Variants in PACC1 observed in about 807,000 individuals in gnomAD.
The protein encoded by PACC1 is proton activated chloride channel 1.
Under a neutral mutation model 39.7 loss-of-function variants are expected in PACC1, and 34 were observed. That is an observed-to-expected ratio of 0.86 (90% CI 0.65 to 1.14). The LOEUF is 1.14. Among genes scored for constraint, PACC1 ranks in the 50% most tolerant of loss-of-function variants. The pLI is 0.00. For synonymous variants in PACC1, 127 were observed against 160.6 expected (o/e 0.79, Z 1.58); for missense variants, 379 against 436.4 (o/e 0.87, Z 1.17).
Position 212,365,327 on chromosome 1 carries a change from A to G in PACC1, c.941T>C (p.Phe314Ser). The change falls in exon 8 of 8, where the codon TTC becomes TCC. Residue 314 changes from phenylalanine to serine, a missense_variant. By Grantham distance (155) the Phe-to-Ser change is radical. Transcript: ENST00000261455. The part of the protein sequence containing the change: ...WNTIALLCGA[F>S]LALFKAAEFA... ...CTCTGCTGCTTTAAATAATGCCAAGAAGGCGCCACAGAGAAGAGCAATTGT... is the reference window on the plus strand; with the variant it reads ...CTCTGCTGCTTTAAATAATGCCAAGGAGGCGCCACAGAGAAGAGCAATTGT... 1 of 1,613,416 alleles carries G rather than the reference A, an allele frequency of 6.2e-7. No individual in the cohort carries two copies.
intron 7 of PACC1, among the ~76,000 whole-genome samples, chr1:212,365,677 A>G (rs1223795954): frequency 6.6e-6 from 1 of 152,066 alleles, no homozygotes; most frequent in Non-Finnish European, 1.5e-5. Flanking sequence ...CTGGGTTCTG[A>G]AACTGTCATA....
intron 6 of PACC1, 46 bp downstream of exon 6, chr1:212,377,516 T>A (rs757881312): frequency 1.2e-6 from 2 of 1,610,962 alleles, no homozygotes; most frequent in South Asian, 1.1e-5. Flanking sequence ...CAGACTCGAA[T>A]GTGGAAAAGT....
Position 212,414,633 on chromosome 1 carries a change from C to G in PACC1, c.36+89G>C, listed in dbSNP as rs1386234146. ...TCGGAAGAGCCCTCTGCCGCGCAGC[C>G]CCGACACCCCCCGCCCCGCATCCGC... On this transcript the variant is annotated intron_variant, in intron 1 of 7. Transcript: ENST00000261455. The G allele has an allele frequency of 5.3e-6, 8 of 1,519,964 alleles. No homozygotes were observed. In the African/African-American group the frequency reaches 9.6e-5, roughly 18 times the overall value. 94.2% of individuals were successfully genotyped at this position (1,519,964 alleles called of 1,614,324 possible). A position where few individuals can be genotyped will look rare whatever the true frequency, so the allele number is the denominator to read the frequency against.
intron 2 of PACC1, among the ~76,000 whole-genome samples, chr1:212,396,776 G>T (rs905561810): frequency 6.9e-6 from 1 of 145,808 alleles, no homozygotes; most frequent in Non-Finnish European, 1.5e-5. Context: ...GAAAAATCTT[G>T]AAGGCAGTGA....
In PACC1 at chr1:212,377,622, C is replaced by A. The variant is rs1660713458; in HGVS notation, c.723G>T (p.Lys241Asn). The A allele has an allele frequency of 1.2e-6, 2 of 1,614,254 alleles. No individual in the cohort carries two copies. The highest frequency in any genetic ancestry group is 1.7e-6 in the Non-Finnish European group (2 of 1,180,044). The change falls in exon 6 of 8, where the codon AAG becomes AAT. Residue 241 changes from lysine (K) to asparagine (N), a missense_variant. Lys to Asn is a moderately conservative substitution (Grantham distance 94). Coordinates refer to ENST00000261455, the MANE Select transcript of PACC1 (RefSeq NM_018252.3). The part of the protein sequence containing the change: ...KFSGGFRTWV[K>N]MSLVKTKEED... ...CCTCCTTGGTCTTTACCAGTGACAT[C>A]TTGACCCAGGTGCGGAAGCCCCCAG...
At chr1:212,366,984 G>A (rs1380878384) in intron 7 of PACC1, among the ~76,000 whole-genome samples, 1 of 152,196 alleles carries the variant, frequency 6.6e-6, no homozygotes, top group Non-Finnish European at 1.5e-5. Context: ...ATATTATGAT[G>A]ACATGAATGC....
At chr1:212,406,384 G>C (rs765607230) in intron 2 of PACC1, among the ~76,000 whole-genome samples, 1 of 152,118 alleles carries the variant, frequency 6.6e-6, no homozygotes. Flanking sequence ...AGGAATGATT[G>C]CAAGTGCCTA....
chr1:212,413,847 G>A (rs1662224502), intron 1 of PACC1: 2 of 1,492,594 alleles, frequency 1.3e-6, no homozygotes, highest in Non-Finnish European at 1.8e-6. Flanking sequence ...ACACAGTATC[G>A]CACTCAGAGG....
chr1:212,404,177 G>A (rs1168346127), intron 2 of PACC1, among the ~76,000 whole-genome samples: 1 of 151,960 alleles, frequency 6.6e-6, no homozygotes, highest in Non-Finnish European at 1.5e-5. Flanking sequence ...CGCGATCTCA[G>A]CTCACTGCAA....
At chr1:212,375,978 T>C (rs1660650883) in intron 6 of PACC1, among the ~76,000 whole-genome samples, 1 of 152,232 alleles carries the variant, frequency 6.6e-6, no homozygotes, top group Admixed American at 6.5e-5. Flanking sequence ...TCAAAGTACT[T>C]GGTTTTCAGA....
intron 7 of PACC1, among the ~76,000 whole-genome samples, chr1:212,365,830 T>C (rs1660220857): frequency 1.3e-5 from 2 of 152,218 alleles, no homozygotes; most frequent in Admixed American, 6.5e-5. Context: ...ATAGGCAATA[T>C]TTAATTTTGT....
In PACC1 at chr1:212,414,871, G is replaced by GA. The variant is rs1448062563; in HGVS notation, c.-115dup. The GA allele has an allele frequency of 5.0e-6, 7 of 1,399,582 alleles. No individual in the cohort carries two copies. In the African/African-American group the frequency reaches 1.0e-4, roughly 20 times the overall value. 86.7% of individuals were successfully genotyped at this position (1,399,582 alleles called of 1,614,324 possible). On this transcript the variant is annotated 5_prime_UTR_variant, in exon 1 of 8. Transcript: ENST00000261455. ...GGCTCCGCGAGGCGAAACCGGTCCG[G>GA]AGGGGCGTCCCAGAGACCAGGCGTG... is the stretch of plus-strand genomic sequence containing the variant.
chr1:212,408,710 T>C (rs1437405790), intron 2 of PACC1, among the ~76,000 whole-genome samples: 1 of 152,236 alleles, frequency 6.6e-6, no homozygotes, highest in African/African-American at 2.4e-5. Flanking sequence ...CATTAGTTCC[T>C]GTCTTGTTCC....
intron 1 of PACC1, 113 bp from the exon 2 acceptor site, chr1:212,410,634 A>G: frequency 1.1e-6 from 1 of 941,824 alleles, no homozygotes; most frequent in Non-Finnish European, 1.7e-6. Flanking sequence ...CAAAAACCAC[A>G]TGACATAGAG....
At chr1:212,387,196 G>T in intron 2 of PACC1, 96 bp from the exon 3 acceptor site, 2 of 1,272,300 alleles carry the variant, frequency 1.6e-6, no homozygotes, top group South Asian at 1.3e-5. Flanking sequence ...CCTCACCAAG[G>T]AGGTGAAGTC....
intron 2 of PACC1, among the ~76,000 whole-genome samples, chr1:212,393,735 T>TA (rs1483296514): frequency 5.9e-5 from 9 of 151,880 alleles, no homozygotes; most frequent in African/African-American, 1.4e-4. Flanking sequence ...ATAGACACAA[T>TA]AAAAAATGAT....
chr1:212,407,445 G>A (rs1444448898), intron 2 of PACC1, among the ~76,000 whole-genome samples: 1 of 152,158 alleles, frequency 6.6e-6, no homozygotes, highest in African/African-American at 2.4e-5. Context: ...ATAAATTTGT[G>A]TTTTTTTAGG....
chr1:212,409,963 G>A (rs1306299034), intron 2 of PACC1, among the ~76,000 whole-genome samples: 2 of 152,272 alleles, frequency 1.3e-5, no homozygotes, highest in South Asian at 2.1e-4. Flanking sequence ...GTATCCGGGC[G>A]GAAGAAGTAG....
rs1571691184 is a variant in PACC1 at position 212,414,707 on chromosome 1, C to G, written c.36+15G>C. ...TCCGCCTCAAACTTCCCTTCCGTCT[C>G]TCACAACCTCGTACCTCCTGGTAGG... On this transcript the variant is annotated intron_variant, in intron 1 of 7. Transcript: ENST00000261455. The G allele has an allele frequency of 6.2e-7, 1 of 1,613,446 alleles. No individual in the cohort carries two copies. Among genetic ancestry groups the G allele is most frequent in the Non-Finnish European group, 8.5e-7 (1 of 1,179,476 alleles).
Sources: gnomAD v4.1 joint callset for allele counts (sites outside exome capture counted in the v4.1 genomes callset) on GRCh38, gnomAD v4.1.1 for gene constraint, MANE v1.5 for transcripts, NCBI Gene and HGNC (gene_info 2026-07-23, HGNC 2026-07-21) for gene names.